The following DOCK3 variants were observed in gnomAD, a reference collection of about 807,000 sequenced individuals.
The protein encoded by DOCK3 is dedicator of cytokinesis 3, also known as dedicator of cytokinesis protein 3.
DOCK3 carries 60 observed loss-of-function variants against 265.6 expected under a neutral mutation model. That is an observed-to-expected ratio of 0.23 (90% CI 0.18 to 0.28). DOCK3 has a LOEUF of 0.28. DOCK3 is among the 10% of genes least tolerant of loss of function. The pLI is 1.00. For missense variants in DOCK3, 1,981 were observed against 2,594.3 expected (o/e 0.76, Z 5.14); for synonymous variants, 881 against 938.0 (o/e 0.94, Z 1.11).
At chr3:51,098,397 G>A (rs2082951436) in intron 9 of DOCK3, among the ~76,000 whole-genome samples, 1 of 152,204 alleles carries the variant, frequency 6.6e-6, no homozygotes, top group South Asian at 2.1e-4. Context: ...TCAGCATTCA[G>A]GATACCTTGC....
chr3:51,004,319 A>G (rs1413293843), intron 5 of DOCK3, among the ~76,000 whole-genome samples: 7 of 152,172 alleles, frequency 4.6e-5, no homozygotes, highest in Non-Finnish European at 7.4e-5. Flanking sequence ...ACTTCAGCCA[A>G]GTCTTGAAAT....
At chr3:51,355,988 C>G in intron 41 of DOCK3, 101 bp from the exon 42 acceptor site, 1 of 1,466,270 alleles carries the variant, frequency 6.8e-7, no homozygotes, top group Non-Finnish European at 9.4e-7. Flanking sequence ...CAGTAAGGAG[C>G]AGGGACTATG....
At chr3:51,214,363 C>T (rs2089668367) in intron 14 of DOCK3, 116 bp downstream of exon 14, 5 of 1,400,472 alleles carry the variant, frequency 3.6e-6, no homozygotes, top group Non-Finnish European at 4.8e-6. Flanking sequence ...ATTAAAATCT[C>T]CCACATCCCA....
chr3:51,286,065 A>G (rs1435442286), intron 27 of DOCK3, among the ~76,000 whole-genome samples: 1 of 152,226 alleles, frequency 6.6e-6, no homozygotes, highest in Admixed American at 6.5e-5. Flanking sequence ...ATACCTAGGA[A>G]ACTCCATAAC....
At chr3:50,823,478 TG>T (rs1228880346) in intron 2 of DOCK3, among the ~76,000 whole-genome samples, 1 of 152,176 alleles carries the variant, frequency 6.6e-6, no homozygotes, top group Non-Finnish European at 1.5e-5. Flanking sequence ...AGCACAGGGT[TG>T]GGGGTAAGGT....
At chr3:50,859,659 T>C (rs998205969) in intron 3 of DOCK3, among the ~76,000 whole-genome samples, 2 of 152,156 alleles carry the variant, frequency 1.3e-5, no homozygotes, top group African/African-American at 4.8e-5. Flanking sequence ...TTCACCAAGC[T>C]GAGGCTTTGT....
intron 2 of DOCK3, among the ~76,000 whole-genome samples, chr3:50,799,393 T>C (rs1418075969): frequency 1.3e-5 from 2 of 152,208 alleles, no homozygotes; most frequent in Non-Finnish European, 2.9e-5. Context: ...ATTTCTTTTA[T>C]CAGTGTTTTG....
chr3:50,742,893 G>T (rs1055033281), intron 1 of DOCK3, among the ~76,000 whole-genome samples: 83 of 152,232 alleles, frequency 5.5e-4, no homozygotes, highest in African/African-American at 1.8e-3. Flanking sequence ...ACACATAATT[G>T]TCAGATTCAC....
At chr3:50,930,134 T>C (rs2050975756) in intron 4 of DOCK3, among the ~76,000 whole-genome samples, 1 of 151,420 alleles carries the variant, frequency 6.6e-6, no homozygotes, top group African/African-American at 2.5e-5. Flanking sequence ...ATAGGAACAC[T>C]CTAAGTTTTT....
chr3:51,351,802 A>G (rs905921158), intron 40 of DOCK3, among the ~76,000 whole-genome samples: 1 of 152,008 alleles, frequency 6.6e-6, no homozygotes, highest in Non-Finnish European at 1.5e-5. Context: ...GATTACAGGC[A>G]TGCGCCACCA....
At chr3:51,282,583 G>A (rs981801699) in intron 27 of DOCK3, among the ~76,000 whole-genome samples, 4 of 151,684 alleles carry the variant, frequency 2.6e-5, no homozygotes, top group Admixed American at 2.6e-4. Context: ...AACCTGGTAG[G>A]TGGAGGTTGC....
intron 7 of DOCK3, among the ~76,000 whole-genome samples, chr3:51,087,038 C>G (rs2082453020): frequency 6.6e-6 from 1 of 152,128 alleles, no homozygotes; most frequent in Non-Finnish European, 1.5e-5. Flanking sequence ...CTGAATTCTA[C>G]CAAACTTATA....
At chr3:51,220,421 C>T (rs1037218558) in intron 14 of DOCK3, among the ~76,000 whole-genome samples, 1 of 151,860 alleles carries the variant, frequency 6.6e-6, no homozygotes, top group African/African-American at 2.4e-5. Flanking sequence ...CTTTGGGAGG[C>T]CAAGGCAGGC....
chr3:51,155,000 A>G (rs757843863), intron 10 of DOCK3, among the ~76,000 whole-genome samples: 1 of 152,112 alleles, frequency 6.6e-6, no homozygotes, highest in South Asian at 2.1e-4. Context: ...TTTTGCAGTC[A>G]GGGTCTCACT....
At chr3:51,127,017 C>A (rs1448936428) in intron 9 of DOCK3, among the ~76,000 whole-genome samples, 1 of 152,000 alleles carries the variant, frequency 6.6e-6, no homozygotes, top group African/African-American at 2.4e-5. Context: ...CACAATAGGC[C>A]ATGCGCAGGC....
At chr3:50,866,301 A>G (rs1304096754) in intron 3 of DOCK3, among the ~76,000 whole-genome samples, 3 of 152,026 alleles carry the variant, frequency 2.0e-5, no homozygotes, top group Admixed American at 2.0e-4. Context: ...CCTGGCCAAC[A>G]TGGTGAAATC....
chr3:51,045,213 A>G (rs1044887017), intron 5 of DOCK3, among the ~76,000 whole-genome samples: 1 of 152,130 alleles, frequency 6.6e-6, no homozygotes, highest in Non-Finnish European at 1.5e-5. Flanking sequence ...TTAGAGGCCC[A>G]TTGTAGAGTT....
intron 27 of DOCK3, among the ~76,000 whole-genome samples, chr3:51,289,983 A>C (rs919119044): frequency 6.6e-6 from 1 of 152,206 alleles, no homozygotes; most frequent in Non-Finnish European, 1.5e-5. Flanking sequence ...AACCACAATG[A>C]GATATCATCT....
At chr3:51,038,649 G>A (rs2080362770) in intron 5 of DOCK3, among the ~76,000 whole-genome samples, 1 of 152,194 alleles carries the variant, frequency 6.6e-6, no homozygotes, top group Non-Finnish European at 1.5e-5. Flanking sequence ...ACTGTATAGT[G>A]ATAACTTGGC....
Sources: gnomAD v4.1 joint callset for allele counts (sites outside exome capture counted in the v4.1 genomes callset) on GRCh38, gnomAD v4.1.1 for gene constraint, MANE v1.5 for transcripts, NCBI Gene and HGNC (gene_info 2026-07-23, HGNC 2026-07-21) for gene names.